The following FBLN2 variants were observed in gnomAD, a reference collection of about 807,000 sequenced individuals.
FBLN2 encodes the protein fibulin 2.
FBLN2 carries 81 observed loss-of-function variants against 123.7 expected under a neutral mutation model. That is an observed-to-expected ratio of 0.65 (90% CI 0.55 to 0.79). FBLN2 has a LOEUF of 0.79. Ranked by LOEUF, FBLN2 falls within the 30% of genes least tolerant of loss-of-function variation. FBLN2 has a pLI of 0.00. For synonymous variants in FBLN2, 699 were observed against 701.4 expected, an observed-to-expected ratio of 1.00 and a Z score of 0.05; for missense variants, 1,603 against 1,681.3, an observed-to-expected ratio of 0.95 and a Z score of 0.81.
Position 13,549,151 on chromosome 3 carries a change from C to G in FBLN2, c.-99C>G, listed in dbSNP as rs1190842345. ...CACACAGCCAGGGGCCGCCCGGGCTCTCGACGCGCCGACGGCCGGGCGGAC... is the reference window on the plus strand; with the variant it reads ...CACACAGCCAGGGGCCGCCCGGGCTGTCGACGCGCCGACGGCCGGGCGGAC... On this transcript the variant is annotated 5_prime_UTR_variant, in exon 1 of 18. Coordinates refer to ENST00000404922, the MANE Select transcript of FBLN2 (RefSeq NM_001004019.2). 2.0e-6 allele frequency: 2 copies of G among 982,830 alleles called. No homozygotes were observed. The highest frequency in any genetic ancestry group is 2.4e-6 in the Non-Finnish European group (2 of 828,984). The allele number at this position is 982,830 out of a possible 1,614,324, so 60.9% of individuals were successfully genotyped here.
chr3:13,603,235 A>AGT (rs1305992591), intron 2 of FBLN2, among the ~76,000 whole-genome samples: 2 of 101,192 alleles, frequency 2.0e-5, no homozygotes, highest in Non-Finnish European at 4.1e-5. Context: ...TTTTTTTTTA[A>AGT]GTTTTTTTTT....
intron 5 of FBLN2, among the ~76,000 whole-genome samples, chr3:13,614,922 AT>A (rs1705543222): frequency 6.8e-6 from 1 of 148,034 alleles, no homozygotes; most frequent in Admixed American, 6.7e-5. Flanking sequence ...CCATCCATCC[AT>A]CCATCCATCC....
At chr3:13,571,860 A>C (rs1703972815) in intron 2 of FBLN2, among the ~76,000 whole-genome samples, 199 bp downstream of exon 2, 1 of 133,170 alleles carries the variant, frequency 7.5e-6, no homozygotes. Flanking sequence ...TTGGGATGGG[A>C]TGGGTGGGTG....
chr3:13,587,868 C>G (rs1424892469), intron 2 of FBLN2, among the ~76,000 whole-genome samples: 2 of 152,196 alleles, frequency 1.3e-5, no homozygotes, highest in Non-Finnish European at 2.9e-5. Context: ...AGGCACCCCC[C>G]AATCTTGCTT....
chr3:13,550,696 A>G (rs1703299271), intron 1 of FBLN2, among the ~76,000 whole-genome samples: 1 of 152,128 alleles, frequency 6.6e-6, no homozygotes, highest in Admixed American at 6.5e-5. Flanking sequence ...AAGACTCCCC[A>G]GCAGGAGGAA....
At chr3:13,628,819 A>AC (rs1706140009) in intron 11 of FBLN2, 86 bp from the exon 12 acceptor site, 8 of 1,501,966 alleles carry the variant, frequency 5.3e-6, no homozygotes, top group South Asian at 2.6e-5. Context: ...CCCAGGACCG[A>AC]CCCCCTCCCA....
Position 13,614,106 on chromosome 3 carries a change from G to A in FBLN2, c.1671G>A (p.Glu557=), listed in dbSNP as rs1254080323. ...HVMLSCCEGE[E]PLIVPEVRRP... is the part of the protein sequence containing the mutation. ...TGCTCTCCTGCTGTGAGGGTGAAGA[G>A]CCTCTCATAGTACCTGAGGTTCGCC... Residue 557 remains glutamate, a synonymous_variant, in exon 5 of 18, where the codon GAG becomes GAA. Transcript: ENST00000404922. 6 of 1,613,476 alleles carry A rather than the reference G, an allele frequency of 3.7e-6. No individual in the cohort carries two copies. Among genetic ancestry groups the A allele is most frequent in the Non-Finnish European group, 5.1e-6 (6 of 1,179,886 alleles).
At chr3:13,605,715 C>T (rs1040884245) in intron 2 of FBLN2, among the ~76,000 whole-genome samples, 2 of 152,162 alleles carry the variant, frequency 1.3e-5, no homozygotes, top group Admixed American at 6.5e-5. Flanking sequence ...GGCACAGACA[C>T]CAGGAGCAGA....
intron 11 of FBLN2, among the ~76,000 whole-genome samples, chr3:13,628,561 G>A (rs988282647): frequency 1.3e-5 from 2 of 152,216 alleles, no homozygotes; most frequent in Non-Finnish European, 2.9e-5. Flanking sequence ...CTTAGTCTCT[G>A]TGCCTCTAAA....
At chr3:13,585,992 G>A (rs1704484484) in intron 2 of FBLN2, among the ~76,000 whole-genome samples, 1 of 152,146 alleles carries the variant, frequency 6.6e-6, no homozygotes, top group Admixed American at 6.5e-5. Context: ...CTATAAAACA[G>A]CCTCTGGCAG....
chr3:13,602,910 C>CTTTTTTTTTTTTTTTTT (rs199820446), intron 2 of FBLN2, among the ~76,000 whole-genome samples: 1 of 148,054 alleles, frequency 6.8e-6, no homozygotes. Context: ...TTCTTTCTTT[C>CTTTTTTTTTTTTTTTTT]TTTCTTTTTT....
At chr3:13,602,188 G>A (rs1705054545) in intron 2 of FBLN2, among the ~76,000 whole-genome samples, 2 of 152,142 alleles carry the variant, frequency 1.3e-5, no homozygotes, top group Admixed American at 1.3e-4. Context: ...TGTGATGTGG[G>A]TCCCAGCATC....
intron 4 of FBLN2, among the ~76,000 whole-genome samples, chr3:13,612,919 G>C (rs529225811): frequency 9.2e-5 from 14 of 152,258 alleles, no homozygotes; most frequent in Non-Finnish European, 1.5e-4. Context: ...GCATGAATTT[G>C]TGGTCAGCTG....
chr3:13,598,117 C>T (rs1704906460), intron 2 of FBLN2, among the ~76,000 whole-genome samples: 1 of 152,234 alleles, frequency 6.6e-6, no homozygotes, highest in Admixed American at 6.5e-5. Flanking sequence ...CTGAAGGCTG[C>T]ACCAGCTTCT....
chr3:13,629,661 T>G (rs981409538), intron 13 of FBLN2, among the ~76,000 whole-genome samples, 159 bp from the exon 14 acceptor site: 2 of 152,266 alleles, frequency 1.3e-5, no homozygotes, highest in East Asian at 3.9e-4. Flanking sequence ...CGCCACCTGG[T>G]CTCTTTGCCT....
At chr3:13,551,786 C>T (rs4684950) in intron 1 of FBLN2, among the ~76,000 whole-genome samples, 120,692 of 151,132 alleles carry the variant, frequency 0.8, 48,769 homozygotes, top group East Asian at 1. Context: ...GTGATCCGCC[C>T]GCCTCAGTCT....
At chr3:13,608,296 G>A in intron 3 of FBLN2, 123 bp downstream of exon 3, 1 of 689,622 alleles carries the variant, frequency 1.5e-6, no homozygotes. Flanking sequence ...TCTGGGGCAT[G>A]AGGGTGATTG....
At position 13,614,151 on chromosome 3, in the gene FBLN2, T is replaced by G. The variant is rs758710824; in HGVS notation, c.1716T>G (p.Ala572=). ...PEVRRPPEPA[A]APRRVSEAEM... ...TTCGCCGACCTCCAGAGCCCGCAGCTGCACCACGGAGAGGTGAGTGCTGCT... is the reference window on the plus strand; with the variant it reads ...TTCGCCGACCTCCAGAGCCCGCAGCGGCACCACGGAGAGGTGAGTGCTGCT... The change falls in exon 5 of 18, where the codon GCT becomes GCG. Residue 572 remains alanine (A), a synonymous_variant. Transcript: ENST00000404922. 6.2e-7 allele frequency: 1 copy of G among 1,611,902 alleles called. No individual in the cohort carries two copies. The highest frequency in any genetic ancestry group is 1.7e-5 in the Admixed American group (1 of 60,024).
Position 13,630,754 on chromosome 3 carries a change from C to T in FBLN2, c.3024C>T (p.Gly1008=). The T allele has an allele frequency of 6.2e-7, 1 of 1,610,402 alleles. No homozygotes were observed. The highest frequency in any genetic ancestry group is 8.5e-7 in the Non-Finnish European group (1 of 1,178,668). Residue 1008 remains glycine, a synonymous_variant, in exon 15 of 18, where the codon GGC becomes GGT. Coordinates refer to ENST00000404922, the MANE Select transcript of FBLN2 (RefSeq NM_001004019.2). ...RCSQECANIY[G]SYQCYCRQGY... The stretch of plus-strand genomic sequence containing the variant: ...GCCAGGAGTGTGCCAACATCTATGG[C>T]TCCTACCAGTGCTACTGCCGCCAGG...
Sources: gnomAD v4.1 joint callset for allele counts (sites outside exome capture counted in the v4.1 genomes callset) on GRCh38, gnomAD v4.1.1 for gene constraint, MANE v1.5 for transcripts, NCBI Gene and HGNC (gene_info 2026-07-23, HGNC 2026-07-21) for gene names.